The following ADGRD1 variants were observed in gnomAD, a reference collection of about 807,000 sequenced individuals.
ADGRD1 encodes the protein G-protein coupled receptor 133.
Under a neutral mutation model 113.4 loss-of-function variants are expected in ADGRD1, and 77 were observed. That is an observed-to-expected ratio of 0.68 (90% CI 0.57 to 0.82). The LOEUF (loss-of-function observed/expected upper bound fraction) is 0.82. Among genes scored for constraint, ADGRD1 ranks in the 40% least tolerant of loss-of-function variants. The probability of loss-of-function intolerance (pLI) is 0.00; values close to 1 mark genes in which losing one functional copy is unlikely to be tolerated. For synonymous variants in ADGRD1, 474 were observed against 475.0 expected, an observed-to-expected ratio of 1.00 and a Z score of 0.03; for missense variants, 1,036 against 1,139.1, an observed-to-expected ratio of 0.91 and a Z score of 1.30.
chr12:131,078,372 C>T (rs1044860932), intron 14 of ADGRD1, among the ~76,000 whole-genome samples: 2 of 152,216 alleles, frequency 1.3e-5, no homozygotes, highest in African/African-American at 2.4e-5. Flanking sequence ...TGACCGTTGG[C>T]GTCATGCCTC....
At chr12:130,963,246 G>C (rs1190831481) in intron 2 of ADGRD1, among the ~76,000 whole-genome samples, 2 of 149,696 alleles carry the variant, frequency 1.3e-5, no homozygotes, top group African/African-American at 2.5e-5. Context: ...CGTGAACCCG[G>C]GAGGCGGAGC....
chr12:131,134,253 G>A (rs118087198), intron 21 of ADGRD1, among the ~76,000 whole-genome samples: 3,828 of 152,292 alleles, frequency 0.025, 157 homozygotes, highest in Non-Finnish European at 0.026. Context: ...TGGGGGAGCA[G>A]AAGGGGGTCA....
chr12:131,091,428 TA>T (rs1295740383), intron 15 of ADGRD1, among the ~76,000 whole-genome samples: 1 of 152,230 alleles, frequency 6.6e-6, no homozygotes, highest in African/African-American at 2.4e-5. Context: ...ATCTCTATAC[TA>T]AAAGAGGAAT....
At chr12:130,982,155 A>C in intron 5 of ADGRD1, 92 bp downstream of exon 5, 1 of 1,144,714 alleles carries the variant, frequency 8.7e-7, no homozygotes, top group Non-Finnish European at 1.3e-6. Flanking sequence ...CAGCCCAAGG[A>C]GCCCAGGGAT....
chr12:131,075,741 G>A lies in ADGRD1; in HGVS notation c.1474-1060G>A, dbSNP rs1468759443. ...GGGGCTTTTGGTCGAGGCCAGGATG[G>A]CGCTCATGAGGGGGGCTGCCCTCGT... On this transcript the variant is annotated intron_variant, in intron 13 of 24. Transcript: ENST00000261654. This position sits in a 1 kb window ranked among gnomAD's most constrained non-coding sequence, Gnocchi z 5.3. Among the ~76,000 whole-genome samples the A allele has an allele frequency of 6.6e-6, 1 of 152,194 alleles. No homozygotes were observed. Among genetic ancestry groups the A allele is most frequent in the Non-Finnish European group, 1.5e-5 (1 of 68,034 alleles).
rs749421030 is a variant in ADGRD1, at chr12:131,105,818, G to C, written c.1840G>C (p.Val614Leu). 2 of 1,600,790 alleles carry C rather than the reference G, an allele frequency of 1.2e-6. No individual in the cohort carries two copies. Among genetic ancestry groups the C allele is most frequent in the East Asian group, 4.5e-5 (2 of 44,888 alleles). The part of the protein sequence containing the change: ...IHANLSFAVL[V>L]AQVLLLISFR... ...CGCCAACCTGTCCTTCGCCGTGCTG[G>C]TGGCCCAGGTCCTGCTGCTCATTAG... The change falls in exon 17 of 25, where the codon GTG (valine) becomes CTG (leucine). Residue 614 changes from valine to leucine, a missense_variant. Transcript: ENST00000261654.
At chr12:131,067,406 C>T (rs1377050556) in intron 13 of ADGRD1, among the ~76,000 whole-genome samples, 2 of 152,230 alleles carry the variant, frequency 1.3e-5, no homozygotes, top group Non-Finnish European at 2.9e-5. Flanking sequence ...TCATCAGGGT[C>T]AGCCCAGGCC....
At chr12:131,076,211 TG>T (rs370794554) in intron 13 of ADGRD1, among the ~76,000 whole-genome samples, 289 of 152,298 alleles carry the variant, frequency 1.9e-3, no homozygotes, top group African/African-American at 6.6e-3. Context: ...CTCTAGGTCC[TG>T]GGGATGCAGC....
intron 15 of ADGRD1, among the ~76,000 whole-genome samples, chr12:131,098,697 C>T (rs763911011): frequency 7.9e-5 from 12 of 152,324 alleles, no homozygotes; most frequent in Admixed American, 1.3e-4. Flanking sequence ...CCTCTGCAGT[C>T]ACCTCCGCCA....
At chr12:131,054,578 G>C (rs999337579) in intron 13 of ADGRD1, among the ~76,000 whole-genome samples, 2 of 152,130 alleles carry the variant, frequency 1.3e-5, no homozygotes, top group Non-Finnish European at 2.9e-5. Flanking sequence ...CTGGCCCTGT[G>C]TGAGCTCCAG....
At chr12:131,071,693 C>G (rs1169194582) in intron 13 of ADGRD1, among the ~76,000 whole-genome samples, 2 of 152,170 alleles carry the variant, frequency 1.3e-5, no homozygotes, top group African/African-American at 2.4e-5. Flanking sequence ...CCAGGAGGCC[C>G]GAGGAAGGAG....
intron 13 of ADGRD1, among the ~76,000 whole-genome samples, chr12:131,056,495 C>G (rs771121778): frequency 6.6e-6 from 1 of 152,226 alleles, no homozygotes; most frequent in Non-Finnish European, 1.5e-5. Flanking sequence ...CCCATCATTG[C>G]TGAGGCTGTA....
intron 13 of ADGRD1, among the ~76,000 whole-genome samples, chr12:131,038,324 G>T (rs577660576): frequency 1.3e-5 from 2 of 152,220 alleles, no homozygotes; most frequent in South Asian, 2.1e-4. Context: ...GGCAGATGGC[G>T]CAGGGCAGCC....
rs945831731 is a variant in ADGRD1 at position 131,057,788 on chromosome 12, C to G, written c.1474-19013C>G. ...GGAGACATGAATTTTGTGGGGAAAC[C>G]GTTCAACCCACAACACAGGTGGAGC... On this transcript the variant is annotated intron_variant, in intron 13 of 24. Coordinates refer to ENST00000261654, the MANE Select transcript of ADGRD1 (RefSeq NM_198827.5). This position sits in a 1 kb window ranked among gnomAD's most constrained non-coding sequence, Gnocchi z 4.2. 1.3e-5 allele frequency among the ~76,000 whole-genome samples: 2 copies of G among 152,074 alleles called. No individual in the cohort carries two copies. The highest frequency in any genetic ancestry group is 2.1e-4 in the South Asian group (1 of 4,826).
intron 2 of ADGRD1, chr12:130,962,119 C>T (rs1233709072): frequency 2.0e-5 from 3 of 152,338 alleles, no homozygotes; most frequent in African/African-American, 7.2e-5. Flanking sequence ...GACTCGCCGT[C>T]CCCTGCGGGT....
intron 8 of ADGRD1, among the ~76,000 whole-genome samples, chr12:130,997,982 A>T (rs1253100579): frequency 6.6e-6 from 1 of 152,098 alleles, no homozygotes; most frequent in African/African-American, 2.4e-5. Context: ...CTGGCGGATC[A>T]CTCGCGGTTA....
chr12:130,992,389 C>T lies in ADGRD1; in HGVS notation c.963C>T (p.Thr321=), dbSNP rs200693315. The T allele has an allele frequency of 6.8e-6, 11 of 1,611,498 alleles. No individual in the cohort carries two copies. In the East Asian group the frequency reaches 1.8e-4, roughly 26 times the overall value. The change falls in exon 8 of 25, where the codon ACC becomes ACT. Residue 321 remains threonine, a synonymous_variant. Coordinates refer to ENST00000261654, the MANE Select transcript of ADGRD1 (RefSeq NM_198827.5). ...SLSEQTALNL[T]KTFLKAVGEI... ...CGGAGCAGACAGCCTTGAATCTCAC[C>T]AAGGTAAGGCTATTTGATGTCTGTG...
chr12:131,131,495 C>T (rs1593269884), intron 20 of ADGRD1, among the ~76,000 whole-genome samples: 1 of 152,228 alleles, frequency 6.6e-6, no homozygotes, highest in Non-Finnish European at 1.5e-5. Context: ...GACTAGAACT[C>T]GTCTCTGCTG....
chr12:131,115,938 G>A (rs1193619317), intron 18 of ADGRD1, among the ~76,000 whole-genome samples: 1 of 152,206 alleles, frequency 6.6e-6, no homozygotes, highest in Non-Finnish European at 1.5e-5. Context: ...CTGGTTCCTT[G>A]TAGATGCACA....
Sources: allele counts gnomAD v4.1 joint callset (sites outside exome capture counted in the v4.1 genomes callset), GRCh38; gene constraint gnomAD v4.1.1; non-coding constraint Gnocchi (gnomAD v3.1); transcripts MANE v1.5; gene names NCBI Gene and HGNC (gene_info 2026-07-23, HGNC 2026-07-21).